The following ARL15 variants were observed in gnomAD, a reference collection of about 807,000 sequenced individuals.
ARL15 encodes the protein ADP-ribosylation factor-like protein 15.
Under a neutral mutation model 25.2 loss-of-function variants are expected in ARL15, and 19 were observed. The ratio of observed to expected loss-of-function variants is 0.75; its 90% confidence interval spans 0.53 to 1.10. The LOEUF (loss-of-function observed/expected upper bound fraction) is 1.10. Among genes scored for constraint, ARL15 ranks in the 50% least tolerant of loss-of-function variants. ARL15 has a pLI of 0.00. For missense variants in ARL15, 220 were observed against 246.0 expected, an observed-to-expected ratio of 0.89 and a Z score of 0.71; for synonymous variants, 94 against 86.8, an observed-to-expected ratio of 1.08 and a Z score of -0.46.
chr5:53,973,060 G>A (rs990190918), intron 4 of ARL15, among the ~76,000 whole-genome samples: 1 of 152,092 alleles, frequency 6.6e-6, no homozygotes, highest in Non-Finnish European at 1.5e-5. Context: ...AAGCATGAGT[G>A]CACTAAATAA....
chr5:53,947,234 GAGA>G (rs1468189306), intron 4 of ARL15, among the ~76,000 whole-genome samples: 1 of 149,670 alleles, frequency 6.7e-6, no homozygotes, highest in African/African-American at 2.5e-5. Flanking sequence ...AGGGCTGGGA[GAGA>G]AGGAGAATTA....
chr5:54,292,861 A>G (rs1758368999), intron 1 of ARL15, among the ~76,000 whole-genome samples: 2 of 152,240 alleles, frequency 1.3e-5, no homozygotes, highest in Admixed American at 1.3e-4. Flanking sequence ...GGCAGAAGGT[A>G]GACTACTGCC....
At chr5:53,993,321 A>G (rs1748567877) in intron 4 of ARL15, among the ~76,000 whole-genome samples, 1 of 152,170 alleles carries the variant, frequency 6.6e-6, no homozygotes, top group Non-Finnish European at 1.5e-5. Flanking sequence ...CATAGAATGC[A>G]GTTTTGGGCT....
intron 4 of ARL15, among the ~76,000 whole-genome samples, chr5:53,894,228 A>T (rs2111909997): frequency 6.6e-6 from 1 of 152,350 alleles, no homozygotes; most frequent in South Asian, 2.1e-4. Context: ...AAAACCAGAC[A>T]AATAATTGCA....
intron 1 of ARL15, among the ~76,000 whole-genome samples, chr5:54,176,531 A>ACAG: frequency 6.6e-6 from 1 of 152,314 alleles, no homozygotes; most frequent in South Asian, 2.1e-4. Context: ...TGTGTCTCCT[A>ACAG]CAGCAGCTCT....
chr5:54,155,569 G>C (rs1270968436), intron 2 of ARL15, among the ~76,000 whole-genome samples: 2 of 151,962 alleles, frequency 1.3e-5, no homozygotes, highest in African/African-American at 2.4e-5. Flanking sequence ...TATATTATAA[G>C]AAAATATTCA....
intron 3 of ARL15, among the ~76,000 whole-genome samples, chr5:54,118,175 C>G (rs911198005): frequency 1.2e-4 from 19 of 152,142 alleles, no homozygotes; most frequent in African/African-American, 3.9e-4. Context: ...AAACAACCAC[C>G]TGTTGAAGAA....
chr5:54,119,934 A>C lies in ARL15; in HGVS notation c.254-6524T>G, dbSNP rs532190626. On this transcript the variant is annotated intron_variant, in intron 3 of 4. Coordinates refer to ENST00000504924, the MANE Select transcript of ARL15 (RefSeq NM_019087.3). The stretch of plus-strand genomic sequence containing the variant: ...GTCTGTTTCTCTTGGTTCTCCATGT[A>C]ACACTTTCTACCCTGTAGCATAGTA... 4.6e-5 allele frequency among the ~76,000 whole-genome samples: 7 copies of C among 152,278 alleles called. No individual in the cohort carries two copies. In the South Asian group the frequency reaches 1.5e-3, roughly 32 times the overall value.
chr5:54,038,686 A>C (rs1332020632), intron 4 of ARL15, among the ~76,000 whole-genome samples: 1 of 152,062 alleles, frequency 6.6e-6, no homozygotes, highest in African/African-American at 2.4e-5. Context: ...TATAAATATA[A>C]TTTTTAGCTT....
At chr5:54,214,173 G>T (rs1756120013) in intron 1 of ARL15, among the ~76,000 whole-genome samples, 1 of 152,168 alleles carries the variant, frequency 6.6e-6, no homozygotes, top group African/African-American at 2.4e-5. Context: ...AGGGGCTGCT[G>T]CAGGTTAATA....
intron 1 of ARL15, among the ~76,000 whole-genome samples, chr5:54,306,645 C>G (rs1264115095): frequency 6.6e-6 from 1 of 152,154 alleles, no homozygotes; most frequent in Non-Finnish European, 1.5e-5. Context: ...CCTGTCTTGC[C>G]CTCCCAAAGT....
chr5:54,014,080 G>A (rs1749331477), intron 4 of ARL15, among the ~76,000 whole-genome samples: 1 of 152,166 alleles, frequency 6.6e-6, no homozygotes, highest in African/African-American at 2.4e-5. Flanking sequence ...GTGCTGACAT[G>A]ACACTCAAAG....
At chr5:54,076,811 A>G (rs1446268340) in intron 4 of ARL15, among the ~76,000 whole-genome samples, 1 of 152,056 alleles carries the variant, frequency 6.6e-6, no homozygotes, top group Non-Finnish European at 1.5e-5. Context: ...TAATCCCCCA[A>G]ACTATGTAGA....
chr5:53,951,467 A>G (rs1362425265), intron 4 of ARL15: 3 of 468,912 alleles, frequency 6.4e-6, no homozygotes, highest in Non-Finnish European at 1.3e-5. Flanking sequence ...ATCTTCTTGC[A>G]TACTCAAACA....
At chr5:53,947,181 T>G (rs1168670871) in intron 4 of ARL15, among the ~76,000 whole-genome samples, 1 of 137,532 alleles carries the variant, frequency 7.3e-6, no homozygotes, top group Non-Finnish European at 1.6e-5. Context: ...TGTGTGTGTG[T>G]GTGTGTGTGT....
chr5:53,978,552 A>C (rs1270055309), intron 4 of ARL15, among the ~76,000 whole-genome samples: 4 of 147,544 alleles, frequency 2.7e-5, no homozygotes, highest in Non-Finnish European at 6.0e-5. Context: ...TTGGGAGGCC[A>C]AGATGGGAGA....
intron 4 of ARL15, among the ~76,000 whole-genome samples, chr5:54,067,011 A>C (rs1021919931): frequency 1.3e-5 from 2 of 152,208 alleles, no homozygotes; most frequent in Non-Finnish European, 2.9e-5. Context: ...TGAAAAGGAT[A>C]TATGCAATTA....
chr5:54,173,185 G>GAAA (rs551489130), intron 1 of ARL15, among the ~76,000 whole-genome samples: 3,842 of 120,860 alleles, frequency 0.032, 71 homozygotes, highest in Non-Finnish European at 0.049. Flanking sequence ...CTCCATCTCA[G>GAAA]AAAAAAAAAA....
chr5:53,944,622 A>C (rs1430443718), intron 4 of ARL15, among the ~76,000 whole-genome samples: 1 of 151,958 alleles, frequency 6.6e-6, no homozygotes, highest in East Asian at 1.9e-4. Context: ...AAAAACAAAC[A>C]ACAAACCTGA....
Sources: gnomAD v4.1 joint callset for allele counts (sites outside exome capture counted in the v4.1 genomes callset) on GRCh38, gnomAD v4.1.1 for gene constraint, MANE v1.5 for transcripts, NCBI Gene and HGNC (gene_info 2026-07-23, HGNC 2026-07-21) for gene names.